LAMA5: variants seen among roughly 807,000 people sequenced by gnomAD.
LAMA5 encodes the protein laminin subunit alpha-5.
In LAMA5, 260 loss-of-function variants were observed where a neutral mutation model predicts 433.4. That is an observed-to-expected ratio of 0.60 (90% CI 0.54 to 0.66). The LOEUF is 0.66. Among genes scored for constraint, LAMA5 ranks in the 30% least tolerant of loss-of-function variants. The probability of loss-of-function intolerance (pLI) is 0.00; values close to 1 mark genes in which losing one functional copy is unlikely to be tolerated. For synonymous variants in LAMA5, 2,620 were observed against 2,226.6 expected, an observed-to-expected ratio of 1.18 and a Z score of -4.97; for missense variants, 5,378 against 5,258.5, an observed-to-expected ratio of 1.02 and a Z score of -0.70.
rs758447711 is a variant in LAMA5 at position 62,309,364 on chromosome 20, A to G, written c.11060T>C (p.Val3687Ala). The G allele has an allele frequency of 6.3e-7, 1 of 1,590,310 alleles. No homozygotes were observed. Among genetic ancestry groups the G allele is most frequent in the Non-Finnish European group, 8.5e-7 (1 of 1,176,578 alleles). The change falls in exon 80 of 80, where the codon GTG (valine) becomes GCG (alanine). Residue 3687 changes from valine (V) to alanine (A), a missense_variant. Transcript: ENST00000252999. ...GGCGGCTGGGCAGCCACTGGCCCCC[A>G]CTGCCCCGTGGACCTCCACAGAGCG... is the stretch of plus-strand genomic sequence containing the variant. ...MTRSVEVHGA[V>A]GASGCPAA
At position 62,310,086 on chromosome 20, in the gene LAMA5, C is replaced by T. The variant is rs2379129; in HGVS notation, c.10735-5G>A. On this transcript the variant is annotated splice_polypyrimidine_tract_variant and splice_region_variant and intron_variant, in intron 77 of 79. Coordinates refer to ENST00000252999, the MANE Select transcript of LAMA5 (RefSeq NM_005560.6). Reference sequence around the variant, plus strand: ...GTCATCCGCCCGCAGCAGGACCTGGCGGGGTAGGAAGGGAGGGTCAGGCTA... The same window carrying T: ...GTCATCCGCCCGCAGCAGGACCTGGTGGGGTAGGAAGGGAGGGTCAGGCTA... 5.0e-6 allele frequency: 8 copies of T among 1,610,188 alleles called. No individual in the cohort carries two copies. The African/African-American group carries it at 6.7e-5, about 13-fold the overall frequency.
At chr20:62,339,860 C>T (rs1413670717) in intron 11 of LAMA5, among the ~76,000 whole-genome samples, 1 of 152,178 alleles carries the variant, frequency 6.6e-6, no homozygotes, top group South Asian at 2.1e-4. Flanking sequence ...GAGGCAAGGA[C>T]GATCGTGGGG....
At position 62,315,115 on chromosome 20, in the gene LAMA5, G is replaced by GC. The variant is rs1986802801; in HGVS notation, c.7959dup (p.Gln2654AlafsTer25). 6.2e-7 allele frequency: 1 copy of GC among 1,608,312 alleles called. No individual in the cohort carries two copies. The highest frequency in any genetic ancestry group is 1.3e-5 in the African/African-American group (1 of 74,904). On this transcript the variant is annotated frameshift_variant, in exon 59 of 80. Transcript: ENST00000252999. LOFTEE classifies it high-confidence loss of function. ...CCCTGCCACCGCTCCACATTCTCCTGCATGGCCTGCAGCTGGGACTGCACA... is the reference window on the plus strand; with the variant it reads ...CCCTGCCACCGCTCCACATTCTCCTGCCATGGCCTGCAGCTGGGACTGCACA...
chr20:62,339,173 A>G (rs6143024), intron 11 of LAMA5, among the ~76,000 whole-genome samples: 32,801 of 151,574 alleles, frequency 0.22, 3,716 homozygotes, highest in African/African-American at 0.24. Context: ...GCATTAACAC[A>G]AAGAGAAAAT....
At chr20:62,316,129 T>G in intron 57 of LAMA5, 71 bp from the exon 58 acceptor site, 2 of 1,064,264 alleles carry the variant, frequency 1.9e-6, no homozygotes, top group Non-Finnish European at 2.8e-6. Flanking sequence ...ACCTCCACCC[T>G]TCTGACCCCA....
At chr20:62,315,254 C>G (rs779179505) in intron 58 of LAMA5, 47 bp from the exon 59 acceptor site, 2 of 1,508,810 alleles carry the variant, frequency 1.3e-6, no homozygotes, top group Non-Finnish European at 1.8e-6. Context: ...CGGGGACCAT[C>G]CTGGCTTCAT....
chr20:62,333,545 A>G lies in LAMA5; in HGVS notation c.3021+19T>C. 6.4e-7 allele frequency: 1 copy of G among 1,566,450 alleles called. No individual in the cohort carries two copies. The highest frequency in any genetic ancestry group is 1.2e-5 in the South Asian group (1 of 85,710). ...CCCCCTGACCCGGCCCCCAGCCCTC[A>G]CTCTGGCCCCTGCCTCACCAGGAGC... On this transcript the variant is annotated intron_variant, in intron 24 of 79. Transcript: ENST00000252999.
At chr20:62,317,956 G>A (rs1340913079) in intron 53 of LAMA5, among the ~76,000 whole-genome samples, 178 bp from the exon 54 acceptor site, 8 of 30,992 alleles carry the variant, frequency 2.6e-4, no homozygotes, top group East Asian at 8.1e-4. Flanking sequence ...AGGATGGAGG[G>A]GTAGAGAGAA....
intron 58 of LAMA5, 83 bp from the exon 59 acceptor site, chr20:62,315,290 G>T: frequency 8.3e-7 from 1 of 1,207,868 alleles, no homozygotes; most frequent in Non-Finnish European, 1.2e-6. Flanking sequence ...TGTTGGGCCA[G>T]CAACAGGGAC....
intron 40 of LAMA5, among the ~76,000 whole-genome samples, chr20:62,326,243 A>C (rs1013569598): frequency 6.6e-6 from 1 of 152,142 alleles, no homozygotes; most frequent in Non-Finnish European, 1.5e-5. Context: ...AAAAAAAAAA[A>C]AACAAAGAAA....
At position 62,311,691 on chromosome 20, in the gene LAMA5, C is replaced by T. The variant is rs373377022; in HGVS notation, c.9729G>A (p.Arg3243=). 33 of 1,580,052 alleles carry T rather than the reference C, an allele frequency of 2.1e-5. No homozygotes were observed. The highest frequency in any genetic ancestry group is 5.4e-5 in the African/African-American group (4 of 74,264). The change falls in exon 71 of 80, where the codon AGG becomes AGA. Residue 3243 remains arginine (R), a synonymous_variant. Coordinates refer to ENST00000252999, the MANE Select transcript of LAMA5 (RefSeq NM_005560.6). ...ELQPQPEGPP[R]LLLGGLPESG... is the part of the protein sequence containing the mutation. ...ACTCAGGCAGGCCTCCCAGGAGGAG[C>T]CTCGGGGGCCCCTCAGGCTGCGGCT...
Position 62,314,572 on chromosome 20 carries a change from AC to A in LAMA5, c.8349del (p.Met2783IlefsTer36), listed in dbSNP as rs1986723153. On this transcript the variant is annotated frameshift_variant, in exon 61 of 80. Coordinates refer to ENST00000252999, the MANE Select transcript of LAMA5 (RefSeq NM_005560.6). LOFTEE classifies it high-confidence loss of function. ...CCTGGTACCTGGCGGCTGCCCATGT[AC>A]ATCACAAAGCGATCCTCGGTACCCT... ...PGQGTEDRFV[M>X]YMGSRQATGD... 6.2e-7 allele frequency: 1 copy of A among 1,610,426 alleles called. No individual in the cohort carries two copies. The highest frequency in any genetic ancestry group is 1.1e-5 in the South Asian group (1 of 90,934).
rs368285547 is a variant in LAMA5 at position 62,335,867 on chromosome 20, C to T, written c.2323+473G>A. 4.7e-4 allele frequency among the ~76,000 whole-genome samples: 67 copies of T among 143,914 alleles called. 1 individual carries two copies. The East Asian group carries it at 8.8e-3, about 19-fold the overall frequency. 94.4% of individuals were successfully genotyped at this position (143,914 alleles called of 152,430 possible). A position where few individuals can be genotyped will look rare whatever the true frequency, so the allele number is the denominator to read the frequency against. ...TCCAGTACCCCCCCAGGAACCCCTG[C>T]ACCCCAACATTCCCTCCAGGACACA... On this transcript the variant is annotated intron_variant, in intron 18 of 79. Coordinates refer to ENST00000252999, the MANE Select transcript of LAMA5 (RefSeq NM_005560.6).
chr20:62,311,029 A>G lies in LAMA5; in HGVS notation c.10154T>C (p.Leu3385Pro). ...CGCCAGGGAGGGGCTGCCGGGCCTC[A>G]GACGGGCAGTGAAGAGGAGGAGGCC... is the stretch of plus-strand genomic sequence containing the variant. The part of the protein sequence containing the change: ...SRGLLLFTAR[L>P]RPGSPSLALF... Residue 3385 changes from leucine (L) to proline (P), a missense_variant, in exon 74 of 80, where the codon CTG (leucine) becomes CCG (proline). Transcript: ENST00000252999. 4 of 1,609,356 alleles carry G rather than the reference A, an allele frequency of 2.5e-6. No individual in the cohort carries two copies. Among genetic ancestry groups the G allele is most frequent in the Non-Finnish European group, 3.4e-6 (4 of 1,178,286 alleles).
intron 2 of LAMA5, among the ~76,000 whole-genome samples, chr20:62,361,912 T>C (rs11905378): frequency 0.1 from 15,971 of 152,242 alleles, 1,238 homozygotes; most frequent in African/African-American, 0.22. Flanking sequence ...AGCTGGGGAC[T>C]GGAGAGCAGG....
Position 62,314,056 on chromosome 20 carries a change from AGG to A in LAMA5, c.8504+246_8504+247del, listed in dbSNP as rs1166663086. ...GAGGGATGGCGAGTGGGCACAGACG[AGG>A]GGTGGCGGGTGGGCACAGAGACGAG... On this transcript the variant is annotated intron_variant, in intron 62 of 79. Transcript: ENST00000252999. 5.9e-5 allele frequency among the ~76,000 whole-genome samples: 3 copies of A among 50,618 alleles called. 1 individual carries two copies. The highest frequency in any genetic ancestry group is 2.5e-4 in the African/African-American group (3 of 11,998). The allele number at this position is 50,618 out of a possible 152,430, so 33.2% of individuals were successfully genotyped here.
rs764981176 is a variant in LAMA5 at position 62,328,251 on chromosome 20, C to T, written c.4642G>A (p.Gly1548Ser). ...LTDPTCDTDS[G>S]QCKCRPNVTG... ...GCTCTGGGCTCTCACTTGCACTGGC[C>T]GCTGTCTGTGTCACAGGTAGGGTCT... The change falls in exon 35 of 80, where the codon GGC becomes AGC. Residue 1548 changes from glycine (G) to serine (S), a missense_variant. Gly to Ser is a moderately conservative substitution (Grantham distance 56). Coordinates refer to ENST00000252999, the MANE Select transcript of LAMA5 (RefSeq NM_005560.6). 1.7e-5 allele frequency: 27 copies of T among 1,604,902 alleles called. No individual in the cohort carries two copies. The highest frequency in any genetic ancestry group is 4.5e-5 in the East Asian group (2 of 44,692).
chr20:62,327,647 C>T lies in LAMA5; in HGVS notation c.4820G>A (p.Cys1607Tyr). The T allele has an allele frequency of 6.2e-7, 1 of 1,613,142 alleles. No individual in the cohort carries two copies. The highest frequency in any genetic ancestry group is 1.1e-5 in the South Asian group (1 of 91,090). The stretch of plus-strand genomic sequence containing the variant: ...GAAGGTCCCAAGGCTGCACTGGTCA[C>T]ATTTGGGGCCCTGCACGTTCTCCTA... ...YCKENVQGPK[C>Y]DQCSLGTFSL... is the part of the protein sequence containing the mutation. The change falls in exon 37 of 80, where the codon TGT (cysteine) becomes TAT (tyrosine). Residue 1607 changes from cysteine (C) to tyrosine (Y), a missense_variant. By Grantham distance (194) the Cys-to-Tyr change is radical. Transcript: ENST00000252999.
chr20:62,365,066 G>A (rs902184548), intron 1 of LAMA5, among the ~76,000 whole-genome samples: 7 of 152,382 alleles, frequency 4.6e-5, no homozygotes, highest in African/African-American at 1.2e-4. Context: ...GGTCATACCC[G>A]TCCAGCTCAC....
Sources: allele counts gnomAD v4.1 joint callset (sites outside exome capture counted in the v4.1 genomes callset), GRCh38; gene constraint gnomAD v4.1.1; transcripts MANE v1.5; gene names NCBI Gene and HGNC (gene_info 2026-07-23, HGNC 2026-07-21).